TTLL5: variants seen among roughly 807,000 people sequenced by gnomAD.
TTLL5 encodes tubulin polyglutamylase TTLL5.
Under a neutral mutation model 168.4 loss-of-function variants are expected in TTLL5, and 132 were observed. That is an observed-to-expected ratio of 0.78 (90% CI 0.68 to 0.91). TTLL5 has a LOEUF of 0.91. TTLL5 is among the 40% of genes least tolerant of loss of function. The pLI is 0.00. For missense variants in TTLL5, 1,545 were observed against 1,581.5 expected, an observed-to-expected ratio of 0.98 and a Z score of 0.39; for synonymous variants, 546 against 558.6, an observed-to-expected ratio of 0.98 and a Z score of 0.32.
chr14:75,783,283 C>A lies in TTLL5; in HGVS notation c.2739C>A (p.Cys913Ter), dbSNP rs773251509. Residue 913 changes from cysteine (C) to a stop codon, truncating the protein, a stop_gained, in exon 26 of 32, where the codon TGC becomes TGA. Coordinates refer to ENST00000298832, the MANE Select transcript of TTLL5 (RefSeq NM_015072.5). LOFTEE classifies it high-confidence loss of function. ...VTTSDLSPGPCHHSSLSQIPS... is the reference protein window; with the variant it reads ...VTTSDLSPGP ...CCTCTGACCTCTCTCCAGGGCCTTG[C>A]CACCATTCTTCTTTATCTCAAATTC... 2 of 1,614,180 alleles carry A rather than the reference C, an allele frequency of 1.2e-6. No homozygotes were observed. Among genetic ancestry groups the A allele is most frequent in the Non-Finnish European group, 1.7e-6 (2 of 1,180,026 alleles).
chr14:75,834,631 T>G (rs1895776672), intron 28 of TTLL5, among the ~76,000 whole-genome samples: 1 of 152,200 alleles, frequency 6.6e-6, no homozygotes, highest in Non-Finnish European at 1.5e-5. Flanking sequence ...CAGACCGGAC[T>G]TCTACCTGGG....
intron 20 of TTLL5, among the ~76,000 whole-genome samples, chr14:75,768,685 A>G (rs1210373030): frequency 6.6e-6 from 1 of 152,168 alleles, no homozygotes; most frequent in East Asian, 1.9e-4. Flanking sequence ...GGATGAATGA[A>G]GTTGACAGAA....
chr14:75,907,048 G>T (rs1028587344), intron 31 of TTLL5, among the ~76,000 whole-genome samples: 1 of 152,204 alleles, frequency 6.6e-6, no homozygotes, highest in Non-Finnish European at 1.5e-5. Context: ...AGGTAAAGTT[G>T]CAGTAGTTGC....
chr14:75,670,680 C>A (rs1404043868), intron 3 of TTLL5, among the ~76,000 whole-genome samples: 1 of 152,092 alleles, frequency 6.6e-6, no homozygotes, highest in Non-Finnish European at 1.5e-5. Context: ...ATTTGAATAT[C>A]TTTTTATGTA....
chr14:75,779,652 C>CT lies in TTLL5; in HGVS notation c.2466dup (p.Lys823Ter), dbSNP rs764686169. 11 of 1,613,486 alleles carry CT rather than the reference C, an allele frequency of 6.8e-6. No homozygotes were observed. The highest frequency in any genetic ancestry group is 8.5e-7 in the Non-Finnish European group (1 of 1,179,832). ...GCTAGTGTCTTCCTGGGGACTCACTCTAAAATTTCTAAGAACAACAACAAT... is the reference window on the plus strand; with the variant it reads ...GCTAGTGTCTTCCTGGGGACTCACTCTTAAAATTTCTAAGAACAACAACAAT... On this transcript the variant is annotated frameshift_variant, in exon 24 of 32. Coordinates refer to ENST00000298832, the MANE Select transcript of TTLL5 (RefSeq NM_015072.5). LOFTEE classifies it high-confidence loss of function.
intron 30 of TTLL5, among the ~76,000 whole-genome samples, chr14:75,883,338 A>T (rs1007325402): frequency 2.0e-5 from 3 of 152,248 alleles, no homozygotes; most frequent in Non-Finnish European, 4.4e-5. Flanking sequence ...CACCAAAAAG[A>T]CATTTCCTTT....
intron 30 of TTLL5, among the ~76,000 whole-genome samples, chr14:75,889,575 C>T (rs1340239791): frequency 1.3e-5 from 2 of 152,058 alleles, no homozygotes; most frequent in Admixed American, 6.6e-5. Flanking sequence ...CCTGTAATCC[C>T]AGCACTTTGG....
chr14:75,929,720 T>C (rs540186008), intron 31 of TTLL5, among the ~76,000 whole-genome samples: 72 of 152,300 alleles, frequency 4.7e-4, no homozygotes, highest in South Asian at 2.3e-3. Flanking sequence ...CCCAAAGTGC[T>C]GGGATTACAG....
chr14:75,764,626 A>T lies in TTLL5; in HGVS notation c.1562A>T (p.Asp521Val). The T allele has an allele frequency of 6.2e-7, 1 of 1,614,118 alleles. No homozygotes were observed. The highest frequency in any genetic ancestry group is 8.5e-7 in the Non-Finnish European group (1 of 1,179,960). ...TGCTTTTCCCCTAGAATGACTGCTG[A>T]TGGAGCGCCAGAATTGAAGATAGAG... ...TRLFQDRMTA[D>V]GAPELKIESL... Residue 521 changes from aspartate to valine, a missense_variant, in exon 19 of 32, where the codon GAT becomes GTT. By Grantham distance (152) the Asp-to-Val change is radical. Coordinates refer to ENST00000298832, the MANE Select transcript of TTLL5 (RefSeq NM_015072.5).
At position 75,875,269 on chromosome 14, in the gene TTLL5, C is replaced by T. The variant is rs796567583; in HGVS notation, c.3523-7416C>T. On this transcript the variant is annotated intron_variant, in intron 29 of 31. Coordinates refer to ENST00000298832, the MANE Select transcript of TTLL5 (RefSeq NM_015072.5). ...ACTCAAAAATCTATTGTGGGCTGGGCGTAGTGGCTCACGCCTGTAATCCCA... is the reference window on the plus strand; with the variant it reads ...ACTCAAAAATCTATTGTGGGCTGGGTGTAGTGGCTCACGCCTGTAATCCCA... Among the ~76,000 whole-genome samples the T allele has an allele frequency of 6.7e-5, 10 of 148,522 alleles. 1 individual carries two copies. Among genetic ancestry groups the T allele is most frequent in the South Asian group, 4.5e-4 (2 of 4,482 alleles).
intron 30 of TTLL5, among the ~76,000 whole-genome samples, chr14:75,886,206 G>A (rs530131332): frequency 1.3e-5 from 2 of 152,184 alleles, no homozygotes; most frequent in African/African-American, 2.4e-5. Flanking sequence ...ATTTCCAAGA[G>A]CATCAAAGTT....
intron 9 of TTLL5, chr14:75,709,242 G>T (rs1159948701): frequency 7.9e-6 from 6 of 760,450 alleles, no homozygotes; most frequent in Non-Finnish European, 1.4e-5. Flanking sequence ...ATGTACAGGT[G>T]CTTTGACAGA....
intron 5 of TTLL5, among the ~76,000 whole-genome samples, chr14:75,685,859 G>A (rs1275672432): frequency 2.6e-5 from 4 of 152,190 alleles, no homozygotes; most frequent in Non-Finnish European, 5.9e-5. Context: ...TCAGCAGTTA[G>A]TGTGGGTCCT....
intron 3 of TTLL5, among the ~76,000 whole-genome samples, chr14:75,674,582 C>T (rs1482152023): frequency 1.9e-4 from 29 of 152,114 alleles, no homozygotes. Context: ...GGCTTTTCTT[C>T]ATTATAACCT....
chr14:75,861,493 G>A (rs1213791887), intron 28 of TTLL5, among the ~76,000 whole-genome samples: 1 of 152,182 alleles, frequency 6.6e-6, no homozygotes, highest in Non-Finnish European at 1.5e-5. Context: ...TTTAGGTGAG[G>A]ACTCTGGAAG....
intron 11 of TTLL5, 69 bp from the exon 12 acceptor site, chr14:75,720,522 TTGTTA>T: frequency 9.0e-7 from 1 of 1,116,208 alleles, no homozygotes; most frequent in South Asian, 1.3e-5. Flanking sequence ...TATAGTTATA[TTGTTA>T]TCTGGAATCC....
intron 2 of TTLL5, among the ~76,000 whole-genome samples, chr14:75,665,068 A>C (rs990228250): frequency 6.6e-6 from 1 of 152,234 alleles, no homozygotes; most frequent in African/African-American, 2.4e-5. Context: ...ATTACCTTAG[A>C]TCAGAGTTGT....
chr14:75,840,585 G>A (rs892247664), intron 28 of TTLL5, among the ~76,000 whole-genome samples: 1 of 152,166 alleles, frequency 6.6e-6, no homozygotes, highest in African/African-American at 2.4e-5. Context: ...ACGCAAGGAT[G>A]TTAGGAATAC....
At chr14:75,775,066 A>G (rs868515001) in intron 21 of TTLL5, among the ~76,000 whole-genome samples, 2 of 140,652 alleles carry the variant, frequency 1.4e-5, no homozygotes, top group Non-Finnish European at 3.1e-5. Context: ...CATCTTTTCT[A>G]TCTCTAAATA....
Sources: gnomAD v4.1 joint callset for allele counts (sites outside exome capture counted in the v4.1 genomes callset) on GRCh38, gnomAD v4.1.1 for gene constraint, MANE v1.5 for transcripts, NCBI Gene and HGNC (gene_info 2026-07-23, HGNC 2026-07-21) for gene names.